EFNA5: variants seen among roughly 807,000 people sequenced by gnomAD.
EFNA5 encodes the protein ephrin-A5.
EFNA5 carries 5 observed loss-of-function variants against 22.9 expected under a neutral mutation model. The ratio of observed to expected loss-of-function variants is 0.22; its 90% CI spans 0.11 to 0.46. The LOEUF is 0.46. EFNA5 is among the 20% of genes least tolerant of loss of function. The pLI, the probability that EFNA5 is intolerant of heterozygous loss-of-function variation, is 0.99. For synonymous variants in EFNA5, 113 were observed against 112.2 expected (o/e 1.01, Z -0.04); for missense variants, 237 against 293.3 (o/e 0.81, Z 1.40).
rs192334304 is a variant in EFNA5 at position 107,417,419 on chromosome 5, C to G, written c.418+9798G>C. Reference sequence around the variant, plus strand: ...TTCTGTTCCTAATGTGGATTTTATACAATCTGACTTAAAATATTCGATGGA... The same window carrying G: ...TTCTGTTCCTAATGTGGATTTTATAGAATCTGACTTAAAATATTCGATGGA... On this transcript the variant is annotated intron_variant, in intron 2 of 4. Coordinates refer to ENST00000333274, the MANE Select transcript of EFNA5 (RefSeq NM_001962.3). 1.2e-3 allele frequency among the ~76,000 whole-genome samples: 176 copies of G among 152,184 alleles called. 1 individual carries two copies. The highest frequency in any genetic ancestry group is 2.3e-3 in the South Asian group (11 of 4,820).
chr5:107,486,212 G>A (rs1746616756), intron 1 of EFNA5, among the ~76,000 whole-genome samples: 1 of 152,212 alleles, frequency 6.6e-6, no homozygotes, highest in East Asian at 1.9e-4. Flanking sequence ...ATTCCTGAGT[G>A]TGTGTGAAAG....
At chr5:107,450,699 T>A (rs1182259082) in intron 1 of EFNA5, among the ~76,000 whole-genome samples, 3 of 152,248 alleles carry the variant, frequency 2.0e-5, no homozygotes, top group Non-Finnish European at 2.9e-5. Flanking sequence ...TTATTTCACA[T>A]GAACCAGACT....
chr5:107,391,860 T>C (rs564472138), intron 2 of EFNA5, among the ~76,000 whole-genome samples: 25 of 152,318 alleles, frequency 1.6e-4, no homozygotes, highest in Middle Eastern at 3.4e-3. Context: ...TCTCTGTGTT[T>C]CGAGTACTCT....
intron 1 of EFNA5, among the ~76,000 whole-genome samples, chr5:107,613,107 A>C (rs550374848): frequency 6.6e-6 from 1 of 152,198 alleles, no homozygotes; most frequent in South Asian, 2.1e-4. Flanking sequence ...TAAAAAAAAA[A>C]GATGAAGGAA....
At chr5:107,628,409 A>G (rs1041379812) in intron 1 of EFNA5, among the ~76,000 whole-genome samples, 1 of 152,210 alleles carries the variant, frequency 6.6e-6, no homozygotes, top group Non-Finnish European at 1.5e-5. Flanking sequence ...ATATTATAGC[A>G]TATAAAATGA....
chr5:107,533,542 T>G (rs1465461999), intron 1 of EFNA5, among the ~76,000 whole-genome samples: 1 of 152,268 alleles, frequency 6.6e-6, no homozygotes, highest in South Asian at 2.1e-4. Flanking sequence ...TAAAAAAGAA[T>G]ATTACAGGAA....
chr5:107,452,796 G>A (rs1307505069), intron 1 of EFNA5, among the ~76,000 whole-genome samples: 2 of 152,110 alleles, frequency 1.3e-5, no homozygotes, highest in African/African-American at 4.8e-5. Flanking sequence ...CCTTTAAAGA[G>A]TCATTTTCTA....
chr5:107,581,286 G>C (rs1439518012), intron 1 of EFNA5, among the ~76,000 whole-genome samples: 1 of 152,116 alleles, frequency 6.6e-6, no homozygotes, highest in South Asian at 2.1e-4. Context: ...AAATAATTTA[G>C]TCTACCTCTT....
intron 1 of EFNA5, among the ~76,000 whole-genome samples, chr5:107,478,525 G>A (rs1330018293): frequency 1.3e-5 from 2 of 152,196 alleles, no homozygotes; most frequent in Non-Finnish European, 2.9e-5. Flanking sequence ...TAGCCATTAA[G>A]TAGTTTAGGA....
intron 1 of EFNA5, among the ~76,000 whole-genome samples, chr5:107,542,483 G>A (rs1021235105): frequency 2.0e-5 from 3 of 151,566 alleles, no homozygotes; most frequent in Admixed American, 1.3e-4. Flanking sequence ...CATAAGTAGA[G>A]TCTGCCGCCT....
chr5:107,541,051 G>A (rs1748037016), intron 1 of EFNA5, among the ~76,000 whole-genome samples: 1 of 151,974 alleles, frequency 6.6e-6, no homozygotes, highest in South Asian at 2.1e-4. Flanking sequence ...AGGATGCAGT[G>A]AGCCAAGATT....
intron 1 of EFNA5, among the ~76,000 whole-genome samples, chr5:107,518,945 G>A (rs1747537916): frequency 6.6e-6 from 1 of 152,104 alleles, no homozygotes; most frequent in African/African-American, 2.4e-5. Flanking sequence ...AAAGATCCCT[G>A]TGACCCAAAT....
intron 2 of EFNA5, among the ~76,000 whole-genome samples, chr5:107,398,235 T>C (rs1747980214): frequency 6.6e-6 from 1 of 152,224 alleles, no homozygotes; most frequent in South Asian, 2.1e-4. Context: ...CCTTTTCTCA[T>C]GTGACCTTTC....
At chr5:107,538,056 T>C (rs901297970) in intron 1 of EFNA5, among the ~76,000 whole-genome samples, 5 of 152,156 alleles carry the variant, frequency 3.3e-5, no homozygotes, top group African/African-American at 1.2e-4. Flanking sequence ...TCTTAAAAGA[T>C]TGATAAAGCC....
chr5:107,601,644 C>A (rs1470682568), intron 1 of EFNA5, among the ~76,000 whole-genome samples: 1 of 152,198 alleles, frequency 6.6e-6, no homozygotes, highest in East Asian at 1.9e-4. Context: ...CTGCAACTGA[C>A]ATTAATAATA....
At chr5:107,480,857 G>A (rs910386273) in intron 1 of EFNA5, among the ~76,000 whole-genome samples, 20 of 152,188 alleles carry the variant, frequency 1.3e-4, no homozygotes, top group Admixed American at 1.1e-3. Flanking sequence ...AAGGGTGGGT[G>A]ACTGCCTAGA....
intron 1 of EFNA5, among the ~76,000 whole-genome samples, chr5:107,510,901 A>G (rs1332011254): frequency 3.9e-5 from 6 of 152,194 alleles, no homozygotes; most frequent in Non-Finnish European, 5.9e-5. Flanking sequence ...TCTCAAACAG[A>G]AACTATTTTA....
At chr5:107,585,514 T>C (rs1180188889) in intron 1 of EFNA5, among the ~76,000 whole-genome samples, 2 of 152,096 alleles carry the variant, frequency 1.3e-5, no homozygotes, top group African/African-American at 2.4e-5. Flanking sequence ...TTAGGCCATA[T>C]AGAGAAATAG....
intron 1 of EFNA5, among the ~76,000 whole-genome samples, chr5:107,528,617 TTTG>T (rs1747747868): frequency 6.6e-6 from 1 of 152,122 alleles, no homozygotes. Context: ...TTGTATTGAG[TTTG>T]TTAATTTTCT....
Sources: gnomAD v4.1 joint callset for allele counts (sites outside exome capture counted in the v4.1 genomes callset) on GRCh38, gnomAD v4.1.1 for gene constraint, MANE v1.5 for transcripts, NCBI Gene and HGNC (gene_info 2026-07-23, HGNC 2026-07-21) for gene names.